The following CASR variants were observed in gnomAD, a reference collection of about 807,000 sequenced individuals.
The protein encoded by CASR is extracellular calcium-sensing receptor.
Under a neutral mutation model 69.1 loss-of-function variants are expected in CASR, and 23 were observed. The ratio of observed to expected loss-of-function variants is 0.33; its 90% confidence interval spans 0.24 to 0.47. The LOEUF is 0.47. Among genes scored for constraint, CASR ranks in the 20% least tolerant of loss-of-function variants. The probability of loss-of-function intolerance (pLI) is 1.00; values close to 1 mark genes in which losing one functional copy is unlikely to be tolerated. For missense variants in CASR, 924 were observed against 1,356.1 expected (o/e 0.68, Z 5.00); for synonymous variants, 541 against 544.7 (o/e 0.99, Z 0.10).
intron 4 of CASR, among the ~76,000 whole-genome samples, chr3:122,269,239 C>T (rs1337569444): frequency 2.6e-5 from 4 of 152,184 alleles, no homozygotes; most frequent in Admixed American, 2.0e-4. Context: ...CCCAATTGAA[C>T]TGGTTAGAAC....
chr3:122,242,690 G>A (rs1475071178), intron 1 of CASR, among the ~76,000 whole-genome samples: 1 of 152,070 alleles, frequency 6.6e-6, no homozygotes, highest in Non-Finnish European at 1.5e-5. Flanking sequence ...AATTTATATG[G>A]AACCACAAAA....
intron 3 of CASR, among the ~76,000 whole-genome samples, chr3:122,259,628 A>ATT (rs11414721): frequency 0.017 from 2,094 of 122,200 alleles, 89 homozygotes; most frequent in African/African-American, 0.048. Flanking sequence ...CACATTGGAA[A>ATT]TTTTTTTTTT....
chr3:122,201,019 T>TTTTTTTA (rs1323155788), intron 1 of CASR, among the ~76,000 whole-genome samples: 2 of 139,206 alleles, frequency 1.4e-5, no homozygotes, highest in African/African-American at 2.6e-5. Context: ...TTTTTTTTTT[T>TTTTTTTA]ATTGATCATT....
At chr3:122,257,499 A>C (rs1263508152) in intron 3 of CASR, 112 bp downstream of exon 3, 1 of 754,496 alleles carries the variant, frequency 1.3e-6, no homozygotes, top group Non-Finnish European at 2.2e-6. Context: ...CTGGCACAAA[A>C]GACCTATGAT....
At chr3:122,277,520 G>C (rs545777645) in intron 5 of CASR, among the ~76,000 whole-genome samples, 2 of 152,278 alleles carry the variant, frequency 1.3e-5, no homozygotes, top group South Asian at 4.1e-4. Context: ...ACAGTGTGCC[G>C]TTTTTAATAG....
At chr3:122,273,825 G>A (rs1390568383) in intron 4 of CASR, among the ~76,000 whole-genome samples, 1 of 152,156 alleles carries the variant, frequency 6.6e-6, no homozygotes, top group African/African-American at 2.4e-5. Flanking sequence ...GTTCCTCTGA[G>A]GGCAAGAAGG....
intron 4 of CASR, among the ~76,000 whole-genome samples, chr3:122,267,329 A>C (rs1012012480): frequency 6.6e-6 from 1 of 152,236 alleles, no homozygotes; most frequent in Non-Finnish European, 1.5e-5. Context: ...TAACGTACAA[A>C]TTTTGAGTAG....
intron 1 of CASR, among the ~76,000 whole-genome samples, chr3:122,201,572 G>T (rs180780480): frequency 7.2e-4 from 110 of 152,196 alleles, no homozygotes; most frequent in Admixed American, 1.8e-3. Flanking sequence ...TCCCAGTAGG[G>T]GCAGCCGGGC....
intron 1 of CASR, among the ~76,000 whole-genome samples, chr3:122,199,497 C>T (rs2073921591): frequency 6.6e-6 from 1 of 151,922 alleles, no homozygotes; most frequent in Non-Finnish European, 1.5e-5. Context: ...ATGTAATTTG[C>T]CTTATAATTT....
chr3:122,278,363 G>A (rs1266089702), intron 5 of CASR, among the ~76,000 whole-genome samples: 1 of 152,196 alleles, frequency 6.6e-6, no homozygotes, highest in Non-Finnish European at 1.5e-5. Flanking sequence ...AGGCCAAACA[G>A]ATGGTCAGTA....
At chr3:122,253,550 A>G (rs1260894412) in intron 1 of CASR, among the ~76,000 whole-genome samples, 1 of 152,192 alleles carries the variant, frequency 6.6e-6, no homozygotes, top group Admixed American at 6.5e-5. Context: ...GCTTCATTCT[A>G]TATTTTCTAT....
chr3:122,240,847 T>C (rs1307838133), intron 1 of CASR, among the ~76,000 whole-genome samples: 1 of 151,950 alleles, frequency 6.6e-6, no homozygotes, highest in Non-Finnish European at 1.5e-5. Context: ...TTGACCACAA[T>C]GAAATAAAAC....
At chr3:122,200,376 C>T (rs1316296007) in intron 1 of CASR, among the ~76,000 whole-genome samples, 1 of 151,946 alleles carries the variant, frequency 6.6e-6, no homozygotes, top group Non-Finnish European at 1.5e-5. Flanking sequence ...ATAATGAAAG[C>T]AAAATAAATA....
At chr3:122,227,308 G>T (rs11926904) in intron 1 of CASR, among the ~76,000 whole-genome samples, 5,861 of 152,346 alleles carry the variant, frequency 0.038, 132 homozygotes, top group South Asian at 0.071. Context: ...AGCCCATGGT[G>T]GGGGGTTGGG....
chr3:122,190,746 A>C (rs796949056), intron 1 of CASR, among the ~76,000 whole-genome samples: 42 of 152,344 alleles, frequency 2.8e-4, no homozygotes, highest in African/African-American at 9.6e-4. Flanking sequence ...TAGTGAATGA[A>C]CAAATCTCAG....
At position 122,285,416 on chromosome 3, in the gene CASR, G is replaced by GAC; in HGVS notation, c.*225_*226insAC. 2.2e-6 allele frequency: 1 copy of GAC among 459,702 alleles called. No homozygotes were observed. Among genetic ancestry groups the GAC allele is most frequent in the Non-Finnish European group, 3.9e-6 (1 of 253,958 alleles). The allele number at this position is 459,702 out of a possible 1,614,324, so 28.5% of individuals were successfully genotyped here. The stretch of plus-strand genomic sequence containing the variant: ...TGTTTCTGTGGTTGCATTTGTCAAA[G>GAC]CATTGAGATCTCCACGGTCAGATTT... On this transcript the variant is annotated 3_prime_UTR_variant, in exon 7 of 7. Coordinates refer to ENST00000639785, the MANE Select transcript of CASR (RefSeq NM_000388.4).
chr3:122,232,873 C>T (rs1391805540), intron 1 of CASR, among the ~76,000 whole-genome samples: 2 of 152,150 alleles, frequency 1.3e-5, no homozygotes, highest in Non-Finnish European at 2.9e-5. Flanking sequence ...TTGGCGTTCT[C>T]CTGTTAAACA....
At chr3:122,243,902 T>C (rs1054949972) in intron 1 of CASR, among the ~76,000 whole-genome samples, 2 of 152,154 alleles carry the variant, frequency 1.3e-5, no homozygotes, top group Non-Finnish European at 2.9e-5. Context: ...CTGGAGATCA[T>C]TATGTTAAGT....
rs1227939510 is a variant in CASR at position 122,275,805 on chromosome 3, T to C, written c.1378-7T>C. 2 of 1,601,700 alleles carry C rather than the reference T, an allele frequency of 1.2e-6. No individual in the cohort carries two copies. Among genetic ancestry groups the C allele is most frequent in the Non-Finnish European group, 1.7e-6 (2 of 1,168,872 alleles). On this transcript the variant is annotated splice_region_variant and splice_polypyrimidine_tract_variant and intron_variant, in intron 4 of 6. Coordinates refer to ENST00000639785, the MANE Select transcript of CASR (RefSeq NM_000388.4). The stretch of plus-strand genomic sequence containing the variant: ...GGGGCTTGTACTCATTCTTTGCTCC[T>C]CTTTAGGTCCTGAAGCACCTACGGC...
Sources: allele counts gnomAD v4.1 joint callset (sites outside exome capture counted in the v4.1 genomes callset), GRCh38; gene constraint gnomAD v4.1.1; transcripts MANE v1.5; gene names NCBI Gene and HGNC (gene_info 2026-07-23, HGNC 2026-07-21).